Variants in NBEA observed in about 807,000 individuals in gnomAD.
NBEA encodes lysosomal-trafficking regulator 2.
Under a neutral mutation model 343.4 loss-of-function variants are expected in NBEA, and 44 were observed. That is an observed-to-expected ratio of 0.13 (90% CI 0.10 to 0.16). The LOEUF (loss-of-function observed/expected upper bound fraction) is 0.16, where lower values mean the gene tolerates loss of function less well. Among genes scored for constraint, NBEA ranks in the 10% least tolerant of loss-of-function variants. NBEA has a pLI of 1.00. For synonymous variants in NBEA, 1,175 were observed against 1,238.7 expected, an observed-to-expected ratio of 0.95 and a Z score of 1.08; for missense variants, 2,555 against 3,631.3, an observed-to-expected ratio of 0.70 and a Z score of 7.62.
At chr13:35,139,763 T>G (rs906745377) in intron 17 of NBEA, among the ~76,000 whole-genome samples, 2 of 147,356 alleles carry the variant, frequency 1.4e-5, no homozygotes, top group Admixed American at 1.4e-4. Context: ...TTTTTTTTTT[T>G]TTTTTTTTTA....
intron 35 of NBEA, among the ~76,000 whole-genome samples, chr13:35,293,553 T>G (rs1400574806): frequency 2.0e-5 from 3 of 152,044 alleles, no homozygotes; most frequent in African/African-American, 7.2e-5. Flanking sequence ...TTCTACAGAT[T>G]CTTCAGTATA....
intron 10 of NBEA, among the ~76,000 whole-genome samples, chr13:35,076,147 A>G (rs1928523): frequency 0.016 from 2,420 of 152,012 alleles, 66 homozygotes; most frequent in African/African-American, 0.05. Flanking sequence ...AAATATTTGT[A>G]TTAGGCTATA....
intron 11 of NBEA, among the ~76,000 whole-genome samples, chr13:35,108,512 A>G (rs1385715928): frequency 6.6e-6 from 1 of 152,080 alleles, no homozygotes; most frequent in Non-Finnish European, 1.5e-5. Context: ...TTATTTTGAT[A>G]ATATGCAATA....
intron 8 of NBEA, among the ~76,000 whole-genome samples, chr13:35,061,685 T>G (rs1213407304): frequency 1.3e-5 from 2 of 151,724 alleles, no homozygotes; most frequent in Non-Finnish European, 3.0e-5. Flanking sequence ...TTCTAACTGA[T>G]AAGAGAAAAA....
chr13:35,389,059 T>C (rs1413186221), intron 38 of NBEA, among the ~76,000 whole-genome samples: 1 of 151,296 alleles, frequency 6.6e-6, no homozygotes, highest in Non-Finnish European at 1.5e-5. Context: ...CCTCCCTGAA[T>C]GTAACCCTGG....
intron 41 of NBEA, among the ~76,000 whole-genome samples, chr13:35,503,517 C>G (rs2076967277): frequency 6.6e-6 from 1 of 151,778 alleles, no homozygotes. Flanking sequence ...TTAATAATAA[C>G]TAATCACCTA....
At chr13:35,375,374 T>A (rs2041681482) in intron 38 of NBEA, among the ~76,000 whole-genome samples, 1 of 152,148 alleles carries the variant, frequency 6.6e-6, no homozygotes, top group African/African-American at 2.4e-5. Context: ...TTTCAACAAC[T>A]TTTTGATACA....
intron 39 of NBEA, among the ~76,000 whole-genome samples, chr13:35,451,141 T>TC (rs1391595642): frequency 6.6e-6 from 1 of 152,178 alleles, no homozygotes; most frequent in Non-Finnish European, 1.5e-5. Context: ...GTTTGTTTGT[T>TC]GAGAGGGAGT....
chr13:35,237,694 A>G (rs1050228157), intron 34 of NBEA, among the ~76,000 whole-genome samples: 20 of 152,224 alleles, frequency 1.3e-4, no homozygotes, highest in African/African-American at 4.6e-4. Flanking sequence ...GTAACTGAAG[A>G]TACTTTAATG....
chr13:35,358,999 T>C (rs547732341), intron 38 of NBEA, among the ~76,000 whole-genome samples: 11 of 152,244 alleles, frequency 7.2e-5, no homozygotes, highest in Admixed American at 3.3e-4. Flanking sequence ...TTAGTGAATA[T>C]TGGGAGTAGT....
At chr13:35,068,787 G>T (rs903394796) in intron 8 of NBEA, among the ~76,000 whole-genome samples, 5 of 152,102 alleles carry the variant, frequency 3.3e-5, no homozygotes, top group Admixed American at 2.6e-4. Flanking sequence ...AGTGATTTTA[G>T]ATAAAAATTC....
At chr13:35,505,883 T>C (rs1439796816) in intron 41 of NBEA, among the ~76,000 whole-genome samples, 1 of 152,174 alleles carries the variant, frequency 6.6e-6, no homozygotes, top group Admixed American at 6.5e-5. Context: ...AACTTACAGA[T>C]TTGATTTTAC....
intron 33 of NBEA, among the ~76,000 whole-genome samples, chr13:35,220,465 A>G (rs1281645760): frequency 1.3e-5 from 2 of 152,188 alleles, no homozygotes; most frequent in African/African-American, 4.8e-5. Context: ...GTTTGAAAGG[A>G]TATTTTGAAC....
intron 38 of NBEA, among the ~76,000 whole-genome samples, chr13:35,389,980 T>G (rs1298900125): frequency 1.3e-5 from 2 of 151,148 alleles, no homozygotes; most frequent in Admixed American, 6.6e-5. Flanking sequence ...AGTGTGTGTG[T>G]GTGTGTGTGT....
chr13:35,110,033 CT>C (rs1203770802), intron 12 of NBEA, among the ~76,000 whole-genome samples: 12 of 60,048 alleles, frequency 2.0e-4, no homozygotes, highest in African/African-American at 4.8e-4. Context: ...TTTGACAACT[CT>C]TTTTTTTTTT....
chr13:34,970,402 A>C (rs1286811366), intron 1 of NBEA, among the ~76,000 whole-genome samples: 1 of 151,080 alleles, frequency 6.6e-6, no homozygotes, highest in Non-Finnish European at 1.5e-5. Flanking sequence ...TTATTTGTCA[A>C]TTTTTGCTTT....
chr13:35,528,281 CTT>C (rs1295668028), intron 41 of NBEA, among the ~76,000 whole-genome samples: 1 of 152,112 alleles, frequency 6.6e-6, no homozygotes, highest in Admixed American at 6.5e-5. Context: ...CTCTGTTTGT[CTT>C]TTTTTGTTCT....
chr13:34,963,082 C>T (rs1223690953), intron 1 of NBEA, among the ~76,000 whole-genome samples: 1 of 152,000 alleles, frequency 6.6e-6, no homozygotes, highest in Non-Finnish European at 1.5e-5. Flanking sequence ...GTTTGATTTT[C>T]TAGTCTAGCA....
chr13:35,218,431 T>C (rs1412323190), intron 33 of NBEA, among the ~76,000 whole-genome samples: 1 of 152,072 alleles, frequency 6.6e-6, no homozygotes, highest in East Asian at 1.9e-4. Context: ...ATATACATAA[T>C]TCTGTCATCC....
Sources: gnomAD v4.1 joint callset for allele counts (sites outside exome capture counted in the v4.1 genomes callset) on GRCh38, gnomAD v4.1.1 for gene constraint, MANE v1.5 for transcripts, NCBI Gene and HGNC (gene_info 2026-07-23, HGNC 2026-07-21) for gene names.